MNAT1: variants seen among roughly 807,000 people sequenced by gnomAD.
The protein encoded by MNAT1 is MNAT1 component of CDK activating kinase.
A neutral mutation model predicts 42.0 loss-of-function variants in MNAT1; 43 were observed. The observed-to-expected ratio is 1.02, with a 90% CI of 0.80 to 1.32. The LOEUF (loss-of-function observed/expected upper bound fraction) is 1.32, where lower values mean the gene tolerates loss of function less well. MNAT1 is among the 40% of genes most tolerant of loss of function. The probability of loss-of-function intolerance (pLI) is 0.00; values close to 1 mark genes in which losing one functional copy is unlikely to be tolerated. For synonymous variants in MNAT1, 118 were observed against 120.0 expected (o/e 0.98, Z 0.11); for missense variants, 306 against 350.4 (o/e 0.87, Z 1.01).
At chr14:60,779,184 C>G (rs1039680035) in intron 1 of MNAT1, among the ~76,000 whole-genome samples, 6 of 152,190 alleles carry the variant, frequency 3.9e-5, no homozygotes, top group East Asian at 1.9e-4. Flanking sequence ...AAGAATATGT[C>G]TGGCATTCAG....
At chr14:60,921,492 A>T (rs189439574) in intron 7 of MNAT1, among the ~76,000 whole-genome samples, 2 of 151,782 alleles carry the variant, frequency 1.3e-5, no homozygotes, top group African/African-American at 2.4e-5. Context: ...TAAACCCATC[A>T]CCCCTATGCT....
intron 7 of MNAT1, among the ~76,000 whole-genome samples, chr14:60,900,022 C>G (rs1423045896): frequency 6.7e-6 from 1 of 149,850 alleles, no homozygotes; most frequent in Non-Finnish European, 1.5e-5. Flanking sequence ...TGTGTTCTGA[C>G]TGTTCTTCTG....
intron 6 of MNAT1, among the ~76,000 whole-genome samples, chr14:60,828,730 C>A (rs1049508819): frequency 5.9e-5 from 9 of 152,136 alleles, no homozygotes; most frequent in Admixed American, 5.9e-4. Flanking sequence ...CAGGTGGTAA[C>A]CTGTACTGTT....
chr14:60,762,363 G>A (rs1473669388), intron 1 of MNAT1, among the ~76,000 whole-genome samples: 1 of 152,026 alleles, frequency 6.6e-6, no homozygotes, highest in Non-Finnish European at 1.5e-5. Flanking sequence ...AGATTATCAG[G>A]AGAGTGAATG....
chr14:60,868,312 A>G (rs2034249972), intron 6 of MNAT1, among the ~76,000 whole-genome samples: 1 of 152,200 alleles, frequency 6.6e-6, no homozygotes. Flanking sequence ...CAAAACAGAA[A>G]TAGTCATTCA....
intron 3 of MNAT1, among the ~76,000 whole-genome samples, chr14:60,802,931 CTTT>C (rs562133472): frequency 3.8e-5 from 5 of 133,320 alleles, no homozygotes; most frequent in Non-Finnish European, 3.3e-5. Context: ...ATAAATAAAA[CTTT>C]TTTTTTTTTT....
At chr14:60,831,486 G>A (rs891306879) in intron 6 of MNAT1, among the ~76,000 whole-genome samples, 15 of 152,048 alleles carry the variant, frequency 9.9e-5, no homozygotes, top group South Asian at 2.1e-4. Flanking sequence ...CTTCATCCAC[G>A]TCCTTGCAAA....
intron 7 of MNAT1, among the ~76,000 whole-genome samples, chr14:60,967,322 G>A (rs1181136305): frequency 2.0e-5 from 3 of 152,190 alleles, no homozygotes; most frequent in Non-Finnish European, 2.9e-5. Context: ...TTATTAAAAT[G>A]TTCTGGTACC....
At chr14:60,950,653 C>T (rs1382400527) in intron 7 of MNAT1, among the ~76,000 whole-genome samples, 1 of 152,108 alleles carries the variant, frequency 6.6e-6, no homozygotes, top group Non-Finnish European at 1.5e-5. Flanking sequence ...TTATGTGTGG[C>T]CCGAGACAAT....
At chr14:60,744,707 C>T (rs1896564200) in intron 1 of MNAT1, among the ~76,000 whole-genome samples, 1 of 152,138 alleles carries the variant, frequency 6.6e-6, no homozygotes, top group Non-Finnish European at 1.5e-5. Context: ...AACTCAACCT[C>T]ACATTTTTAA....
At chr14:60,855,350 C>G (rs2033930043) in intron 6 of MNAT1, among the ~76,000 whole-genome samples, 1 of 151,964 alleles carries the variant, frequency 6.6e-6, no homozygotes, top group South Asian at 2.1e-4. Context: ...TTCCAGGTGC[C>G]ACTGGGTTAT....
In MNAT1 at chr14:60,885,980, T is replaced by A. The variant is rs1045873717; in HGVS notation, c.809+6145T>A. ...TAAGGGCCAGTTTCATTCACTTGTA[T>A]GTGTATAGTTCTCTCAGTGCCATTG... On this transcript the variant is annotated intron_variant, in intron 7 of 7. Coordinates refer to ENST00000261245, the MANE Select transcript of MNAT1 (RefSeq NM_002431.4). Among the ~76,000 whole-genome samples, 3 of 152,168 alleles carry A rather than the reference T, an allele frequency of 2.0e-5. No homozygotes were observed. In the East Asian group the frequency reaches 5.8e-4, roughly 29 times the overall value.
chr14:60,957,924 G>A (rs557205866), intron 7 of MNAT1, among the ~76,000 whole-genome samples: 110 of 151,992 alleles, frequency 7.2e-4, no homozygotes, highest in Non-Finnish European at 1.4e-3. Context: ...TGCAGCCTCC[G>A]CCTCCCAGGT....
intron 1 of MNAT1, among the ~76,000 whole-genome samples, chr14:60,748,134 T>C (rs769060611): frequency 2.6e-5 from 4 of 151,948 alleles, no homozygotes; most frequent in Admixed American, 6.6e-5. Context: ...GAGGCAGAGG[T>C]TGCAGTGAGC....
intron 7 of MNAT1, among the ~76,000 whole-genome samples, chr14:60,902,630 A>G (rs2035094058): frequency 6.6e-6 from 1 of 152,164 alleles, no homozygotes. Context: ...CCATCCCCCT[A>G]TATAGTAATC....
intron 3 of MNAT1, among the ~76,000 whole-genome samples, chr14:60,804,128 A>G (rs542234818): frequency 3.9e-5 from 6 of 152,364 alleles, no homozygotes; most frequent in East Asian, 1.9e-4. Context: ...AAAGACTTCA[A>G]AATTGTACGT....
rs766743101 is a variant in MNAT1 at position 60,798,145 on chromosome 14, G to C, written c.301G>C (p.Glu101Gln). 8 of 1,510,300 alleles carry C rather than the reference G, an allele frequency of 5.3e-6. No individual in the cohort carries two copies. In the African/African-American group the frequency reaches 1.1e-4, roughly 21 times the overall value. The allele number at this position is 1,510,300 out of a possible 1,614,324, so 93.6% of individuals were successfully genotyped here. Residue 101 changes from glutamate to glutamine, a missense_variant, in exon 3 of 8, where the codon GAA becomes CAA. Glu to Gln is a conservative substitution (Grantham distance 29). Coordinates refer to ENST00000261245, the MANE Select transcript of MNAT1 (RefSeq NM_002431.4). ...AAGAGAATACAATGATTTCTTGGAAGAAGTGGAAGAAATTGGTACGTTTTT... is the reference window on the plus strand; with the variant it reads ...AAGAGAATACAATGATTTCTTGGAACAAGTGGAAGAAATTGGTACGTTTTT... Reference protein sequence around the residue: ...SLREYNDFLEEVEEIVFNLTN... With the variant: ...SLREYNDFLEQVEEIVFNLTN...
At chr14:60,955,652 A>G (rs973338757) in intron 7 of MNAT1, among the ~76,000 whole-genome samples, 2 of 151,746 alleles carry the variant, frequency 1.3e-5, no homozygotes, top group Admixed American at 1.3e-4. Flanking sequence ...CAAGAACAAA[A>G]CTCTGTCTCT....
chr14:60,767,854 C>T (rs946223614), intron 1 of MNAT1, among the ~76,000 whole-genome samples: 1 of 152,060 alleles, frequency 6.6e-6, no homozygotes, highest in African/African-American at 2.4e-5. Flanking sequence ...AACCTCCGCT[C>T]CCTGGTTCAA....
Sources: gnomAD v4.1 joint callset for allele counts (sites outside exome capture counted in the v4.1 genomes callset) on GRCh38, gnomAD v4.1.1 for gene constraint, MANE v1.5 for transcripts, NCBI Gene and HGNC (gene_info 2026-07-23, HGNC 2026-07-21) for gene names.